Variants in ACOT7 observed in about 807,000 individuals in gnomAD.
ACOT7 encodes the protein acyl-CoA thioesterase 7, also known as cytosolic acyl coenzyme A thioester hydrolase.
Under a neutral mutation model 40.2 loss-of-function variants are expected in ACOT7, and 12 were observed. That is an observed-to-expected ratio of 0.30 (90% CI 0.19 to 0.48). The LOEUF (loss-of-function observed/expected upper bound fraction) is 0.48. Ranked by LOEUF, ACOT7 falls within the 20% of genes least tolerant of loss-of-function variation. The pLI, the probability that ACOT7 is intolerant of heterozygous loss-of-function variation, is 0.99. For missense variants in ACOT7, 395 were observed against 530.8 expected (o/e 0.74, Z 2.51); for synonymous variants, 228 against 219.5 (o/e 1.04, Z -0.34).
At chr1:6,307,911 G>A (rs970880175) in intron 6 of ACOT7, among the ~76,000 whole-genome samples, 3 of 151,870 alleles carry the variant, frequency 2.0e-5, no homozygotes, top group Non-Finnish European at 4.4e-5. Flanking sequence ...CAACTGGGCA[G>A]AGGGAACCAC....
intron 8 of ACOT7, among the ~76,000 whole-genome samples, chr1:6,268,670 G>A (rs1254670441): frequency 6.6e-6 from 1 of 152,250 alleles, no homozygotes; most frequent in Non-Finnish European, 1.5e-5. Flanking sequence ...CAGGCCCCAC[G>A]CACGCGGCAC....
intron 4 of ACOT7, among the ~76,000 whole-genome samples, chr1:6,331,501 C>T (rs1368652843): frequency 6.6e-6 from 1 of 152,254 alleles, no homozygotes; most frequent in Non-Finnish European, 1.5e-5. Flanking sequence ...CACTTCTGGC[C>T]TCCAGAACTG....
intron 6 of ACOT7, among the ~76,000 whole-genome samples, chr1:6,313,753 C>T (rs372509149): frequency 4.6e-5 from 7 of 152,240 alleles, no homozygotes; most frequent in African/African-American, 1.7e-4. Flanking sequence ...AAGCCTGGGT[C>T]CCCAGCACCA....
chr1:6,393,165 G>C, intron 1 of ACOT7, 92 bp downstream of exon 1: 1 of 1,182,302 alleles, frequency 8.5e-7, no homozygotes, highest in Non-Finnish European at 1.0e-6. Flanking sequence ...GGGCGGCCTC[G>C]GCGGGTGGGG....
At chr1:6,327,791 T>C (rs1305129713) in intron 4 of ACOT7, among the ~76,000 whole-genome samples, 2 of 152,210 alleles carry the variant, frequency 1.3e-5, no homozygotes, top group Non-Finnish European at 2.9e-5. Flanking sequence ...TTTCTTTGTT[T>C]TTGAGATGGA....
intron 6 of ACOT7, among the ~76,000 whole-genome samples, chr1:6,312,441 C>A (rs561322316): frequency 2.0e-4 from 30 of 151,744 alleles, no homozygotes; most frequent in Admixed American, 3.9e-4. Context: ...CTCCCTCCCC[C>A]TCTCTCTATC....
intron 1 of ACOT7, among the ~76,000 whole-genome samples, chr1:6,382,397 C>T (rs1421286945): frequency 1.3e-5 from 2 of 151,946 alleles, no homozygotes; most frequent in Non-Finnish European, 2.9e-5. Context: ...GAGCGAGACT[C>T]TGTCTCAAAA....
chr1:6,366,449 G>A (rs1557669721), intron 1 of ACOT7, among the ~76,000 whole-genome samples: 1 of 151,958 alleles, frequency 6.6e-6, no homozygotes, highest in Non-Finnish European at 1.5e-5. Flanking sequence ...AGCTACTCAT[G>A]GTGGCACTTG....
chr1:6,281,082 T>A lies in ACOT7; in HGVS notation c.1014+20A>T, dbSNP rs547581671. The A allele has an allele frequency of 2.4e-5, 38 of 1,610,342 alleles. No homozygotes were observed. The African/African-American group carries it at 2.9e-4, about 12-fold the overall frequency. On this transcript the variant is annotated intron_variant, in intron 8 of 8. Transcript: ENST00000361521. ...GCTGCCTGGCAGGGAGGGGCCGCCG[T>A]TCCAAGGATGCGCACTCACCACCAG...
chr1:6,294,908 G>C lies in ACOT7; in HGVS notation c.785C>G (p.Thr262Arg). ...AARHCKTNIVTASVDAINFHD... is the reference protein window; with the variant it reads ...AARHCKTNIVRASVDAINFHD... Reference sequence around the variant, plus strand: ...AAAATTAATGGCGTCCACGGAAGCTGTGACGATGTTGGTCTTGCAGTGGCG... The same window carrying C: ...AAAATTAATGGCGTCCACGGAAGCTCTGACGATGTTGGTCTTGCAGTGGCG... The change falls in exon 7 of 9, where the codon ACA becomes AGA. Residue 262 changes from threonine to arginine, a missense_variant. This residue lies in a region of ACOT7 where 309 missense variants were observed against 470.3 expected (regional missense o/e 0.66). Transcript: ENST00000361521. The surrounding 1 kb of genome is among the most constrained non-coding windows in gnomAD (Gnocchi z 4.6). The C allele has an allele frequency of 6.2e-7, 1 of 1,614,144 alleles. No individual in the cohort carries two copies.
chr1:6,363,296 T>C (rs1198193835), intron 1 of ACOT7, among the ~76,000 whole-genome samples: 1 of 151,960 alleles, frequency 6.6e-6, no homozygotes, highest in African/African-American at 2.4e-5. Flanking sequence ...CAGACCGTGG[T>C]TCCAGCAGTA....
In ACOT7 at chr1:6,358,505, G is replaced by A. The variant is rs1641810660; in HGVS notation, c.144-8639C>T. ...CTGAAGGGAGCAGAGGGAAGCCACAGGAGCAAGGCTGGAAAGAAAACCAGG... is the reference window on the plus strand; with the variant it reads ...CTGAAGGGAGCAGAGGGAAGCCACAAGAGCAAGGCTGGAAAGAAAACCAGG... On this transcript the variant is annotated intron_variant, in intron 1 of 8. Coordinates refer to ENST00000361521, the MANE Select transcript of ACOT7 (RefSeq NM_007274.4). This position sits in a 1 kb window ranked among gnomAD's most constrained non-coding sequence, Gnocchi z 4.1. Among the ~76,000 whole-genome samples, 1 of 152,238 alleles carries A rather than the reference G, an allele frequency of 6.6e-6. No homozygotes were observed. Among genetic ancestry groups the A allele is most frequent in the South Asian group, 2.1e-4 (1 of 4,838 alleles).
At chr1:6,296,648 C>T (rs551511036) in intron 6 of ACOT7, among the ~76,000 whole-genome samples, 1 of 152,286 alleles carries the variant, frequency 6.6e-6, no homozygotes, top group Admixed American at 6.5e-5. Context: ...TGGTCTTGAA[C>T]TCCTGACCTC....
chr1:6,346,804 C>G (rs1641438699), intron 2 of ACOT7, among the ~76,000 whole-genome samples: 1 of 152,070 alleles, frequency 6.6e-6, no homozygotes, highest in African/African-American at 2.4e-5. Context: ...GGGTTGTGCT[C>G]AGATCTGGAC....
Position 6,338,492 on chromosome 1 carries a change from C to A in ACOT7, c.418+941G>T, listed in dbSNP as rs1322632643. On this transcript the variant is annotated intron_variant, in intron 3 of 8. Transcript: ENST00000361521. The surrounding 1 kb of genome is among the most constrained non-coding windows in gnomAD (Gnocchi z 4.4). ...AGCAGGCAATGGGAACGCAGACCACCTTCCACCCCAGGCCCTTGCTCAGCT... is the reference window on the plus strand; with the variant it reads ...AGCAGGCAATGGGAACGCAGACCACATTCCACCCCAGGCCCTTGCTCAGCT... 6.6e-6 allele frequency among the ~76,000 whole-genome samples: 1 copy of A among 152,212 alleles called. No individual in the cohort carries two copies. The highest frequency in any genetic ancestry group is 1.5e-5 in the Non-Finnish European group (1 of 68,034).
chr1:6,295,710 C>T (rs1639794488), intron 6 of ACOT7, among the ~76,000 whole-genome samples: 1 of 152,034 alleles, frequency 6.6e-6, no homozygotes, highest in African/African-American at 2.4e-5. Flanking sequence ...CAGGAAAAAC[C>T]CAGAAGAGGC....
Position 6,349,784 on chromosome 1 carries a change from T to C in ACOT7, c.226A>G (p.Ile76Val). 6.2e-7 allele frequency: 1 copy of C among 1,614,080 alleles called. No homozygotes were observed. Among genetic ancestry groups the C allele is most frequent in the Non-Finnish European group, 8.5e-7 (1 of 1,179,990 alleles). Residue 76 changes from isoleucine (I) to valine (V), a missense_variant, in exon 2 of 9, where the codon ATC becomes GTC. Ile to Val is a conservative substitution (Grantham distance 29, BLOSUM62 3). This residue lies in a region of ACOT7 where 309 missense variants were observed against 470.3 expected (regional missense o/e 0.66). Transcript: ENST00000361521. ...ILKMIEEAGA[I>V]ISTRHCNSQN... The stretch of plus-strand genomic sequence containing the variant: ...CTGTTGCAATGCCGGGTGCTGATGA[T>C]GGCGCCTGCCTCCTCGATCATCTTC...
intron 1 of ACOT7, among the ~76,000 whole-genome samples, chr1:6,378,958 C>T (rs193000052): frequency 6.6e-6 from 1 of 151,824 alleles, no homozygotes; most frequent in East Asian, 1.9e-4. Flanking sequence ...TGCAGTGGCG[C>T]AATCTCGGCT....
chr1:6,278,856 G>C lies in ACOT7; in HGVS notation c.1014+2246C>G, dbSNP rs1200096048. On this transcript the variant is annotated intron_variant, in intron 8 of 8. Transcript: ENST00000361521. This position sits in a 1 kb window ranked among gnomAD's most constrained non-coding sequence, Gnocchi z 4.1. ...GGCCTGGTCAGCTGTGCTACAGACA[G>C]GGAGCGGACAGCAGACAGGGCGTGT... Among the ~76,000 whole-genome samples the C allele has an allele frequency of 6.6e-6, 1 of 152,224 alleles. No individual in the cohort carries two copies. Among genetic ancestry groups the C allele is most frequent in the African/African-American group, 2.4e-5 (1 of 41,446 alleles).
Sources: gnomAD v4.1 joint callset for allele counts (sites outside exome capture counted in the v4.1 genomes callset) on GRCh38, gnomAD v4.1.1 for gene constraint, gnomAD v4.1.1 regional missense constraint, Gnocchi (gnomAD v3.1) non-coding constraint, MANE v1.5 for transcripts, NCBI Gene and HGNC (gene_info 2026-07-23, HGNC 2026-07-21) for gene names.